Variants in FSTL5 observed in about 807,000 individuals in gnomAD.
The protein encoded by FSTL5 is follistatin like 5.
Under a neutral mutation model 89.1 loss-of-function variants are expected in FSTL5, and 62 were observed. The ratio of observed to expected loss-of-function variants is 0.70; its 90% CI spans 0.57 to 0.86. The LOEUF (loss-of-function observed/expected upper bound fraction) is 0.86, where lower values mean the gene tolerates loss of function less well. Among genes scored for constraint, FSTL5 ranks in the 40% least tolerant of loss-of-function variants. The pLI is 0.00. For missense variants in FSTL5, 1,057 were observed against 1,001.6 expected, an observed-to-expected ratio of 1.06 and a Z score of -0.75; for synonymous variants, 383 against 346.2, an observed-to-expected ratio of 1.11 and a Z score of -1.18.
intron 15 of FSTL5, among the ~76,000 whole-genome samples, chr4:161,410,111 A>AACC (rs1731537225): frequency 6.6e-6 from 1 of 151,708 alleles, no homozygotes; most frequent in Admixed American, 6.6e-5. Flanking sequence ...ACAGACTTTA[A>AACC]ACCAATAAAA....
At chr4:161,519,402 T>G (rs2126513243) in intron 10 of FSTL5, among the ~76,000 whole-genome samples, 1 of 152,126 alleles carries the variant, frequency 6.6e-6, no homozygotes, top group African/African-American at 2.4e-5. Context: ...GGTGGGCACC[T>G]GTAGTCCCCG....
chr4:161,754,391 T>C (rs1740504077), intron 6 of FSTL5, among the ~76,000 whole-genome samples: 2 of 152,158 alleles, frequency 1.3e-5, no homozygotes, highest in Non-Finnish European at 2.9e-5. Context: ...AGTACATATA[T>C]ATGTATATGG....
Position 161,766,652 on chromosome 4 carries a change from T to G in FSTL5, c.607-7121A>C, listed in dbSNP as rs568178760. On this transcript the variant is annotated intron_variant, in intron 5 of 15. Coordinates refer to ENST00000306100, the MANE Select transcript of FSTL5 (RefSeq NM_020116.5). ...ACTTATACAAATATATTCTTCACCA[T>G]ACTGACTTTAGAAAAATCTGGCTTC... Among the ~76,000 whole-genome samples the G allele has an allele frequency of 3.3e-5, 5 of 152,202 alleles. No homozygotes were observed. The East Asian group carries it at 9.6e-4, about 29-fold the overall frequency.
intron 3 of FSTL5, among the ~76,000 whole-genome samples, chr4:162,021,905 A>C (rs1737100780): frequency 6.6e-6 from 1 of 152,034 alleles, no homozygotes; most frequent in Admixed American, 6.6e-5. Context: ...AGCCTGGCCA[A>C]TATGGTGAAA....
chr4:161,893,420 C>A (rs1487876012), intron 4 of FSTL5, among the ~76,000 whole-genome samples: 2 of 152,088 alleles, frequency 1.3e-5, no homozygotes, highest in African/African-American at 4.8e-5. Context: ...AACTTGTCAT[C>A]TTACCATAAT....
At chr4:161,495,794 C>A (rs532606946) in intron 12 of FSTL5, among the ~76,000 whole-genome samples, 1 of 152,164 alleles carries the variant, frequency 6.6e-6, no homozygotes, top group South Asian at 2.1e-4. Flanking sequence ...ATATTATATT[C>A]ATATTTAATC....
intron 4 of FSTL5, among the ~76,000 whole-genome samples, chr4:161,787,672 C>T (rs761420203): frequency 6.6e-6 from 1 of 152,054 alleles, no homozygotes; most frequent in Non-Finnish European, 1.5e-5. Context: ...ATCTAGCTGA[C>T]ATTTTGATTT....
intron 11 of FSTL5, among the ~76,000 whole-genome samples, chr4:161,508,528 T>G (rs1730552431): frequency 6.6e-6 from 1 of 152,162 alleles, no homozygotes. Context: ...GGAGAATAAT[T>G]ACTGAGGGTA....
At chr4:161,782,157 C>G (rs1741694889) in intron 4 of FSTL5, among the ~76,000 whole-genome samples, 1 of 152,192 alleles carries the variant, frequency 6.6e-6, no homozygotes, top group Non-Finnish European at 1.5e-5. Flanking sequence ...GGCAACTTGG[C>G]TGCTTCTGAG....
chr4:161,639,809 G>T lies in FSTL5; in HGVS notation c.894+16519C>A, dbSNP rs538437255. ...GGGGATCCTGTCATTGAAATATTGGGGATTTGTACTCTGAATCGTGCTTCT... is the reference window on the plus strand; with the variant it reads ...GGGGATCCTGTCATTGAAATATTGGTGATTTGTACTCTGAATCGTGCTTCT... On this transcript the variant is annotated intron_variant, in intron 7 of 15. Transcript: ENST00000306100. Among the ~76,000 whole-genome samples, 35 of 152,152 alleles carry T rather than the reference G, an allele frequency of 2.3e-4. No homozygotes were observed. In the South Asian group the frequency reaches 5.0e-3, roughly 22 times the overall value.
chr4:161,563,763 TATACTA>T (rs1373021396), intron 8 of FSTL5, among the ~76,000 whole-genome samples: 1 of 152,008 alleles, frequency 6.6e-6, no homozygotes, highest in African/African-American at 2.4e-5. Context: ...TCTTGTCAGT[TATACTA>T]AGGCAAATTT....
chr4:161,812,162 A>G (rs902617678), intron 4 of FSTL5, among the ~76,000 whole-genome samples: 3 of 152,218 alleles, frequency 2.0e-5, no homozygotes, highest in Non-Finnish European at 2.9e-5. Context: ...ATTTTAGGCA[A>G]CATTAGTTCT....
chr4:161,688,404 T>G lies in FSTL5; in HGVS notation c.728-31910A>C, dbSNP rs1028071144. Among the ~76,000 whole-genome samples the G allele has an allele frequency of 2.7e-5, 4 of 147,984 alleles. 1 individual carries two copies. Among genetic ancestry groups the G allele is most frequent in the South Asian group, 2.1e-4 (1 of 4,828 alleles). ...CCTGGCCCAGTCTGTCATACTCTGTTATAACAGCACAAAATAGATGAAAAC... is the reference window on the plus strand; with the variant it reads ...CCTGGCCCAGTCTGTCATACTCTGTGATAACAGCACAAAATAGATGAAAAC... On this transcript the variant is annotated intron_variant, in intron 6 of 15. Transcript: ENST00000306100.
chr4:161,792,049 T>TGCACC (rs1729495829), intron 4 of FSTL5, among the ~76,000 whole-genome samples: 1 of 152,126 alleles, frequency 6.6e-6, no homozygotes, highest in Non-Finnish European at 1.5e-5. Flanking sequence ...CAGGCATCCC[T>TGCACC]GCACCCTTGG....
chr4:161,392,812 A>G (rs1346286704), intron 15 of FSTL5, among the ~76,000 whole-genome samples: 1 of 152,168 alleles, frequency 6.6e-6, no homozygotes, highest in Non-Finnish European at 1.5e-5. Context: ...AGCAATTAGA[A>G]GAATGAGAAA....
chr4:161,992,860 AAATATATAT>A (rs1415008444), intron 3 of FSTL5, among the ~76,000 whole-genome samples: 8 of 10,652 alleles, frequency 7.5e-4, no homozygotes, highest in South Asian at 6.3e-3. Context: ...AAAAAAAAAA[AAATATATAT>A]ATATATATAT....
intron 4 of FSTL5, among the ~76,000 whole-genome samples, chr4:161,883,199 G>C (rs1318341742): frequency 6.6e-6 from 1 of 152,150 alleles, no homozygotes; most frequent in Non-Finnish European, 1.5e-5. Flanking sequence ...GTACACACCT[G>C]TAATACTGTA....
chr4:161,931,419 G>C (rs1418521151), intron 3 of FSTL5, among the ~76,000 whole-genome samples: 3 of 151,788 alleles, frequency 2.0e-5, no homozygotes, highest in Non-Finnish European at 2.9e-5. Flanking sequence ...GACAAAGAGG[G>C]TAGTTTTGCA....
At chr4:161,404,660 C>T (rs559641121) in intron 15 of FSTL5, among the ~76,000 whole-genome samples, 45 of 147,338 alleles carry the variant, frequency 3.1e-4, no homozygotes, top group Non-Finnish European at 5.4e-4. Flanking sequence ...AATGACAGTA[C>T]GTAACAATAA....
Sources: allele counts gnomAD v4.1 joint callset (sites outside exome capture counted in the v4.1 genomes callset), GRCh38; gene constraint gnomAD v4.1.1; transcripts MANE v1.5; gene names NCBI Gene and HGNC (gene_info 2026-07-23, HGNC 2026-07-21).